The following PRKN variants were observed in gnomAD, a reference collection of about 807,000 sequenced individuals.
PRKN encodes parkin RBR E3 ubiquitin protein ligase, also known as E3 ubiquitin-protein ligase parkin.
In PRKN, 56 loss-of-function variants were observed where a neutral mutation model predicts 59.5. The observed-to-expected ratio is 0.94, with a 90% CI of 0.76 to 1.18. PRKN has a LOEUF of 1.18. PRKN is among the 50% of genes most tolerant of loss of function. The pLI, the probability that PRKN is intolerant of heterozygous loss-of-function variation, is 0.00. For missense variants in PRKN, 657 were observed against 596.4 expected (o/e 1.10, Z -1.06); for synonymous variants, 250 against 222.1 (o/e 1.13, Z -1.12).
chr6:161,633,914 G>T (rs1240879087), intron 7 of PRKN, among the ~76,000 whole-genome samples: 1 of 151,844 alleles, frequency 6.6e-6, no homozygotes, highest in African/African-American at 2.4e-5. Context: ...GAATTAAAAT[G>T]ATTATGGGCT....
At chr6:162,380,908 T>C (rs965436665) in intron 2 of PRKN, among the ~76,000 whole-genome samples, 2 of 152,116 alleles carry the variant, frequency 1.3e-5, no homozygotes, top group Admixed American at 1.3e-4. Flanking sequence ...CTGTCAAGCC[T>C]CCCTTTTTGA....
Position 162,547,232 on chromosome 6 carries a change from A to G in PRKN, c.8-103759T>C, listed in dbSNP as rs1047123135. Among the ~76,000 whole-genome samples the G allele has an allele frequency of 2.2e-4, 34 of 152,316 alleles. 1 individual carries two copies. The highest frequency in any genetic ancestry group is 8.2e-4 in the African/African-American group (34 of 41,550). On this transcript the variant is annotated intron_variant, in intron 1 of 11. Transcript: ENST00000366898. ...AAGAACTAGAATAAACCAGAAGAAC[A>G]AAACAAACTACAACAAAACCATAAT... is the stretch of plus-strand genomic sequence containing the variant.
intron 7 of PRKN, among the ~76,000 whole-genome samples, chr6:161,655,323 C>T (rs1286504162): frequency 6.6e-6 from 1 of 151,814 alleles, no homozygotes; most frequent in East Asian, 1.9e-4. Context: ...CAGAGGCATT[C>T]CTGGGCCCAC....
At chr6:162,721,855 T>C (rs939578763) in intron 1 of PRKN, among the ~76,000 whole-genome samples, 2 of 152,164 alleles carry the variant, frequency 1.3e-5, no homozygotes, top group African/African-American at 4.8e-5. Context: ...GTTGGTGCCA[T>C]TGGAACTGGA....
chr6:162,464,517 G>T (rs13196162), intron 1 of PRKN, among the ~76,000 whole-genome samples: 33,629 of 151,840 alleles, frequency 0.22, 4,403 homozygotes, highest in Non-Finnish European at 0.28. Context: ...TATTTCATTA[G>T]AAATTTGTCT....
At position 161,488,916 on chromosome 6, in the gene PRKN, A is replaced by G. The variant is rs755737786; in HGVS notation, c.1083+59938T>C. Reference sequence around the variant, plus strand: ...AAGAGGAATTAAGGCAATGGAAAATAGAACACAGACCCTTGGAGATGAAGA... The same window carrying G: ...AAGAGGAATTAAGGCAATGGAAAATGGAACACAGACCCTTGGAGATGAAGA... On this transcript the variant is annotated intron_variant, in intron 9 of 11. Transcript: ENST00000366898. This position sits in a 1 kb window ranked among gnomAD's most constrained non-coding sequence, Gnocchi z 4.5. 6.6e-6 allele frequency among the ~76,000 whole-genome samples: 1 copy of G among 152,242 alleles called. No individual in the cohort carries two copies. The highest frequency in any genetic ancestry group is 1.5e-5 in the Non-Finnish European group (1 of 68,040).
intron 2 of PRKN, among the ~76,000 whole-genome samples, chr6:162,360,333 G>A (rs1339343011): frequency 1.3e-5 from 2 of 151,872 alleles, no homozygotes; most frequent in African/African-American, 4.8e-5. Context: ...TCTGTGAATC[G>A]TTTACTTGGA....
In PRKN at chr6:162,681,415, G is replaced by A. The variant is rs574692789; in HGVS notation, c.7+46247C>T. On this transcript the variant is annotated intron_variant, in intron 1 of 11. Transcript: ENST00000366898. ...AGGGAACCTAAAGCTGTTTCACACTGACTTCCTAAAACTAAATTGAAAGGA... is the reference window on the plus strand; with the variant it reads ...AGGGAACCTAAAGCTGTTTCACACTAACTTCCTAAAACTAAATTGAAAGGA... Among the ~76,000 whole-genome samples the A allele has an allele frequency of 2.6e-4, 39 of 152,210 alleles. No individual in the cohort carries two copies. In the South Asian group the frequency reaches 7.3e-3, roughly 28 times the overall value.
At chr6:161,476,117 G>C (rs1319496188) in intron 9 of PRKN, among the ~76,000 whole-genome samples, 2 of 151,600 alleles carry the variant, frequency 1.3e-5, no homozygotes, top group Non-Finnish European at 2.9e-5. Context: ...GACCCGGGAG[G>C]CGGAGCTTGC....
chr6:161,460,203 G>A lies in PRKN; in HGVS notation c.1084-73326C>T, dbSNP rs1381720285. ...AAAGTTTATAATAGGAATATAATCC[G>A]TGTTATTTTAGGATGTCACAGAGGT... On this transcript the variant is annotated intron_variant, in intron 9 of 11. Transcript: ENST00000366898. The surrounding 1 kb of genome is among the most constrained non-coding windows in gnomAD (Gnocchi z 5.0). 2.6e-5 allele frequency among the ~76,000 whole-genome samples: 4 copies of A among 152,148 alleles called. No individual in the cohort carries two copies. The highest frequency in any genetic ancestry group is 4.4e-5 in the Non-Finnish European group (3 of 68,040).
chr6:161,902,552 A>ATCTT (rs1343265664), intron 6 of PRKN, among the ~76,000 whole-genome samples: 13 of 121,034 alleles, frequency 1.1e-4, no homozygotes, highest in Admixed American at 1.7e-4. Flanking sequence ...CTATCTATTT[A>ATCTT]TTTATTTATT....
chr6:162,536,808 A>C (rs1778740919), intron 1 of PRKN, among the ~76,000 whole-genome samples: 1 of 152,182 alleles, frequency 6.6e-6, no homozygotes, highest in Non-Finnish European at 1.5e-5. Flanking sequence ...CCTATGTTCA[A>C]TTACAGCACT....
chr6:162,609,692 A>G (rs999650087), intron 1 of PRKN, among the ~76,000 whole-genome samples: 6 of 152,202 alleles, frequency 3.9e-5, no homozygotes, highest in Non-Finnish European at 7.3e-5. Flanking sequence ...TCTTTATGAA[A>G]ATTGACTACT....
At chr6:161,672,394 C>G (rs1012922470) in intron 7 of PRKN, among the ~76,000 whole-genome samples, 1 of 152,092 alleles carries the variant, frequency 6.6e-6, no homozygotes, top group Admixed American at 6.5e-5. Context: ...AGATTTATTT[C>G]TTATTCATTT....
At chr6:162,505,748 A>G (rs181800983) in intron 1 of PRKN, among the ~76,000 whole-genome samples, 126 of 152,258 alleles carry the variant, frequency 8.3e-4, no homozygotes, top group African/African-American at 2.8e-3. Context: ...TACCCATAAT[A>G]TGTGATTTAC....
intron 1 of PRKN, among the ~76,000 whole-genome samples, chr6:162,575,950 G>A (rs66921603): frequency 0.1 from 15,575 of 152,190 alleles, 943 homozygotes; most frequent in Middle Eastern, 0.19. Flanking sequence ...TTTGCATTCT[G>A]TAGCCATAAA....
intron 1 of PRKN, among the ~76,000 whole-genome samples, chr6:162,600,722 G>A (rs566839233): frequency 1.3e-3 from 191 of 152,026 alleles, no homozygotes; most frequent in Non-Finnish European, 2.4e-3. Context: ...GTGAGTTATC[G>A]TGAGATCTCA....
At chr6:161,827,497 C>G in intron 6 of PRKN, among the ~76,000 whole-genome samples, 1 of 144,812 alleles carries the variant, frequency 6.9e-6, no homozygotes, top group Non-Finnish European at 1.5e-5. Flanking sequence ...GTATTCACCT[C>G]AATTGATTTT....
chr6:162,357,499 T>C (rs1179065572), intron 2 of PRKN, among the ~76,000 whole-genome samples: 2 of 152,154 alleles, frequency 1.3e-5, no homozygotes, highest in East Asian at 3.9e-4. Flanking sequence ...CCAATGTCAG[T>C]GAGAATGTGG....
Sources: allele counts gnomAD v4.1 joint callset (sites outside exome capture counted in the v4.1 genomes callset), GRCh38; gene constraint gnomAD v4.1.1; non-coding constraint Gnocchi (gnomAD v3.1); transcripts MANE v1.5; gene names NCBI Gene and HGNC (gene_info 2026-07-23, HGNC 2026-07-21).